RBFOX1: variants seen among roughly 807,000 people sequenced by gnomAD.
The protein encoded by RBFOX1 is RNA binding protein fox-1 homolog 1.
Under a neutral mutation model 57.7 loss-of-function variants are expected in RBFOX1, and 8 were observed. The ratio of observed to expected loss-of-function variants is 0.14; its 90% CI spans 0.08 to 0.25. RBFOX1 has a LOEUF of 0.25. Among genes scored for constraint, RBFOX1 ranks in the 10% least tolerant of loss-of-function variants. RBFOX1 has a pLI of 1.00. For synonymous variants in RBFOX1, 326 were observed against 222.4 expected (o/e 1.47, Z -4.15); for missense variants, 611 against 548.5 (o/e 1.11, Z -1.14).
intron 4 of RBFOX1, among the ~76,000 whole-genome samples, chr16:7,268,256 A>G (rs187428760): frequency 6.6e-6 from 1 of 152,326 alleles, no homozygotes; most frequent in East Asian, 1.9e-4. Flanking sequence ...TAAGCTGTGT[A>G]GGACTGTGTT....
chr16:6,614,819 C>T (rs1049881678), intron 2 of RBFOX1, among the ~76,000 whole-genome samples: 1 of 152,118 alleles, frequency 6.6e-6, no homozygotes, highest in Non-Finnish European at 1.5e-5. Flanking sequence ...AGGGACTCAC[C>T]CTACTCCAGG....
At chr16:6,957,691 G>A (rs1305279854) in intron 3 of RBFOX1, among the ~76,000 whole-genome samples, 1 of 152,256 alleles carries the variant, frequency 6.6e-6, no homozygotes, top group African/African-American at 2.4e-5. Flanking sequence ...AACCTCAGGG[G>A]AAAGTAGCCC....
intron 3 of RBFOX1, among the ~76,000 whole-genome samples, chr16:5,621,847 C>T (rs527895440): frequency 6.6e-6 from 1 of 152,210 alleles, no homozygotes; most frequent in South Asian, 2.1e-4. Flanking sequence ...TTTTTGCACC[C>T]AAGCCTTCGT....
intron 1 of RBFOX1, among the ~76,000 whole-genome samples, chr16:5,375,889 G>A (rs370759858): frequency 2.0e-5 from 3 of 152,186 alleles, no homozygotes; most frequent in African/African-American, 7.2e-5. Context: ...TCATCTGGCT[G>A]GGTGCGGTGG....
chr16:5,714,875 A>T (rs1238938709), intron 3 of RBFOX1, among the ~76,000 whole-genome samples: 1 of 152,124 alleles, frequency 6.6e-6, no homozygotes, highest in African/African-American at 2.4e-5. Flanking sequence ...CGTAGCTAGT[A>T]GACATCTCAG....
At chr16:6,594,832 A>G (rs920771008) in intron 2 of RBFOX1, among the ~76,000 whole-genome samples, 1 of 152,186 alleles carries the variant, frequency 6.6e-6, no homozygotes, top group Non-Finnish European at 1.5e-5. Flanking sequence ...TCCGTCGCCC[A>G]GGCTGGAGTG....
intron 5 of RBFOX1, among the ~76,000 whole-genome samples, chr16:7,533,209 G>C (rs1333301158): frequency 5.9e-5 from 9 of 152,120 alleles, no homozygotes; most frequent in Admixed American, 5.9e-4. Context: ...TTTAATAAAA[G>C]ATTTGGTATT....
At chr16:7,407,688 C>G (rs754469615) in intron 4 of RBFOX1, among the ~76,000 whole-genome samples, 10 of 152,126 alleles carry the variant, frequency 6.6e-5, no homozygotes, top group Non-Finnish European at 8.8e-5. Flanking sequence ...TTAACATTCA[C>G]CTTAATACAA....
At chr16:6,954,051 A>G (rs1349567674) in intron 3 of RBFOX1, among the ~76,000 whole-genome samples, 1 of 152,202 alleles carries the variant, frequency 6.6e-6, no homozygotes, top group Non-Finnish European at 1.5e-5. Flanking sequence ...ATATGGCAAG[A>G]GAGAGAACTT....
At chr16:6,485,822 C>T (rs1011236443) in intron 2 of RBFOX1, among the ~76,000 whole-genome samples, 2 of 152,126 alleles carry the variant, frequency 1.3e-5, no homozygotes, top group African/African-American at 4.8e-5. Context: ...ATCCTTCAAA[C>T]TTCTGTTTTT....
intron 3 of RBFOX1, among the ~76,000 whole-genome samples, chr16:6,735,304 A>G (rs1490045688): frequency 6.6e-6 from 1 of 152,186 alleles, no homozygotes; most frequent in Non-Finnish European, 1.5e-5. Context: ...CAGTGGGTTC[A>G]TGTTGGTGGA....
At chr16:6,231,136 C>A (rs1369323077) in intron 1 of RBFOX1, among the ~76,000 whole-genome samples, 1 of 151,804 alleles carries the variant, frequency 6.6e-6, no homozygotes, top group Non-Finnish European at 1.5e-5. Context: ...AAGCTGAAAT[C>A]TGAATGTTGA....
intron 3 of RBFOX1, among the ~76,000 whole-genome samples, chr16:6,729,029 C>T (rs969874492): frequency 6.6e-6 from 1 of 152,114 alleles, no homozygotes; most frequent in Admixed American, 6.5e-5. Context: ...ACGGGGATAA[C>T]TTTAAATAAT....
chr16:5,880,152 C>A (rs924348328), intron 4 of RBFOX1, among the ~76,000 whole-genome samples: 2 of 152,186 alleles, frequency 1.3e-5, no homozygotes, highest in African/African-American at 4.8e-5. Flanking sequence ...GCACTTTGTT[C>A]CATTCATGTC....
intron 1 of RBFOX1, among the ~76,000 whole-genome samples, chr16:6,129,886 A>C (rs1294013424): frequency 6.6e-6 from 1 of 152,184 alleles, no homozygotes; most frequent in Non-Finnish European, 1.5e-5. Flanking sequence ...ACATCTTTAA[A>C]GTTCAGAAAG....
At chr16:7,706,492 G>A (rs920541733) in intron 14 of RBFOX1, among the ~76,000 whole-genome samples, 14 of 152,202 alleles carry the variant, frequency 9.2e-5, no homozygotes, top group African/African-American at 1.9e-4. Context: ...TGGGAGCTAC[G>A]CTTTTATTAA....
At position 6,799,851 on chromosome 16, in the gene RBFOX1, C is replaced by T. The variant is rs567662333; in HGVS notation, c.-16+145201C>T. ...AGACTGAAGGCTGCGCTGTCAGCTTCCCTGCTTTTAAGGTTTCGGGACTCG... is the reference window on the plus strand; with the variant it reads ...AGACTGAAGGCTGCGCTGTCAGCTTTCCTGCTTTTAAGGTTTCGGGACTCG... On this transcript the variant is annotated intron_variant, in intron 3 of 15. Transcript: ENST00000550418. 3.9e-5 allele frequency among the ~76,000 whole-genome samples: 6 copies of T among 152,238 alleles called. No homozygotes were observed. In the South Asian group the frequency reaches 8.3e-4, roughly 21 times the overall value.
In RBFOX1 at chr16:6,539,749, G is replaced by T. The variant is rs188857066; in HGVS notation, c.-63-114854G>T. On this transcript the variant is annotated intron_variant, in intron 2 of 15. Transcript: ENST00000550418. ...GGAAATGGAGGTTGCAGTGAGCTGAGATCGTGCCACTGCACTCCAGCCTAG... is the reference window on the plus strand; with the variant it reads ...GGAAATGGAGGTTGCAGTGAGCTGATATCGTGCCACTGCACTCCAGCCTAG... Among the ~76,000 whole-genome samples, 487 of 151,348 alleles carry T rather than the reference G, an allele frequency of 3.2e-3. 1 individual carries two copies. The highest frequency in any genetic ancestry group is 5.6e-3 in the Admixed American group (85 of 15,140).
intron 1 of RBFOX1, among the ~76,000 whole-genome samples, chr16:5,409,658 C>T (rs1016404271): frequency 2.0e-4 from 31 of 152,086 alleles, no homozygotes; most frequent in Non-Finnish European, 5.9e-5. Flanking sequence ...CTCCAGGAAG[C>T]GTATATTCAT....
Sources: gnomAD v4.1 joint callset for allele counts (sites outside exome capture counted in the v4.1 genomes callset) on GRCh38, gnomAD v4.1.1 for gene constraint, MANE v1.5 for transcripts, NCBI Gene and HGNC (gene_info 2026-07-23, HGNC 2026-07-21) for gene names.